ZNF189: variants seen among roughly 807,000 people sequenced by gnomAD.
ZNF189 encodes zinc finger protein 189.
Under a neutral mutation model 53.5 loss-of-function variants are expected in ZNF189, and 33 were observed. The observed-to-expected ratio is 0.62, with a 90% CI of 0.47 to 0.82. The LOEUF (loss-of-function observed/expected upper bound fraction) is 0.82, where lower values mean the gene tolerates loss of function less well. Among genes scored for constraint, ZNF189 ranks in the 40% least tolerant of loss-of-function variants. The pLI is 0.00. For synonymous variants in ZNF189, 247 were observed against 238.8 expected (o/e 1.03, Z -0.32); for missense variants, 711 against 753.9 (o/e 0.94, Z 0.67).
chr9:101,404,039 C>T (rs934413493), intron 2 of ZNF189, among the ~76,000 whole-genome samples: 1 of 152,166 alleles, frequency 6.6e-6, no homozygotes, highest in Non-Finnish European at 1.5e-5. Flanking sequence ...GGTTCTTTGG[C>T]GAAACCCACT....
At position 101,409,152 on chromosome 9, in the gene ZNF189, G is replaced by A; in HGVS notation, c.1384G>A (p.Gly462Arg). Reference sequence around the variant, plus strand: ...GAAATCTTATAAATGTGATGAATGTGGGAAAACTTTTAGTGTTAGTGCTCA... The same window carrying A: ...GAAATCTTATAAATGTGATGAATGTAGGAAAACTTTTAGTGTTAGTGCTCA... ...KEKSYKCDEC[G>R]KTFSVSAHLV... The change falls in exon 3 of 3, where the codon GGG (glycine) becomes AGG (arginine). Residue 462 changes from glycine to arginine, a missense_variant. Transcript: ENST00000339664. The A allele has an allele frequency of 6.2e-7, 1 of 1,614,064 alleles. No individual in the cohort carries two copies.
At chr9:101,407,447 G>T in intron 2 of ZNF189, 1 of 398,532 alleles carries the variant, frequency 2.5e-6, no homozygotes, top group East Asian at 3.6e-5. Flanking sequence ...GTGCAGCGAC[G>T]CAAACACAGC....
At chr9:101,399,474 A>G (rs1199909064) in intron 1 of ZNF189, 1 of 1,304,566 alleles carries the variant, frequency 7.7e-7, no homozygotes, top group Non-Finnish European at 9.7e-7. Flanking sequence ...CAGGTGAAGC[A>G]CCATTTTTGA....
At chr9:101,399,442 G>GCT in intron 1 of ZNF189, 3 of 1,339,490 alleles carry the variant, frequency 2.2e-6, no homozygotes, top group Non-Finnish European at 2.9e-6. Flanking sequence ...CTCCAGACTA[G>GCT]CTCTCTCATT....
At chr9:101,403,146 C>G (rs556458413) in intron 2 of ZNF189, among the ~76,000 whole-genome samples, 10 of 149,408 alleles carry the variant, frequency 6.7e-5, no homozygotes, top group East Asian at 5.9e-4. Context: ...CATGTTGTCT[C>G]TCAGTCACTG....
intron 2 of ZNF189, among the ~76,000 whole-genome samples, chr9:101,402,196 G>A (rs59717958): frequency 0.065 from 9,957 of 152,244 alleles, 553 homozygotes; most frequent in African/African-American, 0.15. Flanking sequence ...GATTACAGGC[G>A]TGAGCCACCG....
chr9:101,406,750 G>A (rs560663649), intron 2 of ZNF189, among the ~76,000 whole-genome samples: 240 of 152,244 alleles, frequency 1.6e-3, no homozygotes, highest in African/African-American at 5.4e-3. Flanking sequence ...ATCTTCTAGC[G>A]GAATTATCTA....
At position 101,399,139 on chromosome 9, in the gene ZNF189, C is replaced by A; in HGVS notation, c.-18C>A. The A allele has an allele frequency of 1.3e-6, 2 of 1,584,754 alleles. No individual in the cohort carries two copies. ...GTGAGGCCGCCCCCAATTCCTGCCC[C>A]TATTCTCTGCCTGGGAGATGGCTTC... On this transcript the variant is annotated 5_prime_UTR_variant, in exon 1 of 3. Coordinates refer to ENST00000339664, the MANE Select transcript of ZNF189 (RefSeq NM_003452.4).
In ZNF189 at chr9:101,403,067, A is replaced by G. The variant is rs141769626; in HGVS notation, c.160+3057A>G. Among the ~76,000 whole-genome samples, 181 of 149,734 alleles carry G rather than the reference A, an allele frequency of 1.2e-3. 1 individual carries two copies. Among genetic ancestry groups the G allele is most frequent in the African/African-American group, 4.2e-3 (172 of 40,482 alleles). On this transcript the variant is annotated intron_variant, in intron 2 of 2. Transcript: ENST00000339664. ...CCTCACCTGTTTTTTCCTGCACACCACTTTAGTCTTCAGCCATATCAGCTG... is the reference window on the plus strand; with the variant it reads ...CCTCACCTGTTTTTTCCTGCACACCGCTTTAGTCTTCAGCCATATCAGCTG...
intron 2 of ZNF189, among the ~76,000 whole-genome samples, chr9:101,403,966 T>C (rs957412065): frequency 3.3e-5 from 5 of 152,264 alleles, no homozygotes; most frequent in South Asian, 4.1e-4. Flanking sequence ...TTTTGGCTTC[T>C]GGTTTGATAG....
In ZNF189 at chr9:101,399,200, AC is replaced by A. The variant is rs763605858; in HGVS notation, c.33+18del. On this transcript the variant is annotated intron_variant, in intron 1 of 2. Transcript: ENST00000339664. The stretch of plus-strand genomic sequence containing the variant: ...CCGCCGGAGTCGAAGGTAAGTAAGC[AC>A]CCCCCCGGGGATCCCGGTTGTCTCG... 129 of 1,568,704 alleles carry A rather than the reference AC, an allele frequency of 8.2e-5. No individual in the cohort carries two copies. Among genetic ancestry groups the A allele is most frequent in the Non-Finnish European group, 9.6e-5 (110 of 1,148,888 alleles).
chr9:101,407,596 T>G (rs1260384980), intron 2 of ZNF189: 1 of 407,326 alleles, frequency 2.5e-6, no homozygotes, highest in African/African-American at 2.1e-5. Flanking sequence ...GAAGTCTCAC[T>G]GTTGCCCAGG....
Position 101,404,179 on chromosome 9 carries a change from T to G in ZNF189, c.161-3750T>G, listed in dbSNP as rs796551416. 6.6e-5 allele frequency among the ~76,000 whole-genome samples: 10 copies of G among 152,334 alleles called. No individual in the cohort carries two copies. The East Asian group carries it at 1.3e-3, about 21-fold the overall frequency. ...GCTCTGTGTGGAAGCCTTACTCTTG[T>G]TTTTTTCACCTGCCTATCCTGTTGA... On this transcript the variant is annotated intron_variant, in intron 2 of 2. Transcript: ENST00000339664.
intron 2 of ZNF189, among the ~76,000 whole-genome samples, chr9:101,403,715 G>T (rs1830615420): frequency 6.6e-6 from 1 of 152,144 alleles, no homozygotes; most frequent in Non-Finnish European, 1.5e-5. Context: ...CAAACGTTCT[G>T]GTCTTTGTTC....
rs2118259558 is a variant in ZNF189 at position 101,408,204 on chromosome 9, A to T, written c.436A>T (p.Lys146Ter). The T allele has an allele frequency of 6.2e-7, 1 of 1,614,190 alleles. No individual in the cohort carries two copies. Among genetic ancestry groups the T allele is most frequent in the Non-Finnish European group, 8.5e-7 (1 of 1,180,034 alleles). ...IIRKRPNSEE[K>*]CHKCEECGKG... ...CCGTAAAAGACCAAACTCAGAAGAG[A>T]AATGCCATAAATGTGAAGAATGTGG... is the stretch of plus-strand genomic sequence containing the variant. Residue 146 changes from lysine to a stop codon, truncating the protein, a stop_gained, in exon 3 of 3, where the codon AAA becomes TAA. Transcript: ENST00000339664. LOFTEE classifies it high-confidence loss of function.
chr9:101,399,148 G>C lies in ZNF189; in HGVS notation c.-9G>C. On this transcript the variant is annotated 5_prime_UTR_variant, in exon 1 of 3. Transcript: ENST00000339664. ...CCCCCAATTCCTGCCCCTATTCTCT[G>C]CCTGGGAGATGGCTTCCCCGAGCCC... The C allele has an allele frequency of 6.3e-7, 1 of 1,591,494 alleles. No individual in the cohort carries two copies. Among genetic ancestry groups the C allele is most frequent in the Non-Finnish European group, 8.6e-7 (1 of 1,160,512 alleles).
At chr9:101,400,874 C>A (rs1368020422) in intron 2 of ZNF189, among the ~76,000 whole-genome samples, 1 of 152,164 alleles carries the variant, frequency 6.6e-6, no homozygotes, top group African/African-American at 2.4e-5. Context: ...AGGCTTTCTC[C>A]CCTTGTGGAG....
In ZNF189 at chr9:101,399,178, C is replaced by A. The variant is rs1246416106; in HGVS notation, c.22C>A (p.Pro8Thr). ...GGAGATGGCTTCCCCGAGCCCCCCG[C>A]CGGAGTCGAAGGTAAGTAAGCACCC... MASPSPP[P>T]ESKGLLTFED... Residue 8 changes from proline to threonine, a missense_variant, in exon 1 of 3, where the codon CCG (proline) becomes ACG (threonine). Physicochemically the swap from Pro to Thr is conservative, Grantham distance 38. Transcript: ENST00000339664. 1 of 1,595,856 alleles carries A rather than the reference C, an allele frequency of 6.3e-7. No individual in the cohort carries two copies. The highest frequency in any genetic ancestry group is 8.6e-7 in the Non-Finnish European group (1 of 1,165,350).
chr9:101,409,367 TCA>T lies in ZNF189; in HGVS notation c.1604_1605del (p.Thr535ArgfsTer2). On this transcript the variant is annotated frameshift_variant, in exon 3 of 3. Transcript: ENST00000339664. LOFTEE classifies it high-confidence loss of function. ...GTAATCTTATTCGACATCAGGGTGT[TCA>T]CACAGGTAATAAACCCCATAAATGT... The part of the protein sequence containing the change: ...LCNLIRHQGV[H>X]TGNKPHKCDE... 1 of 1,614,106 alleles carries T rather than the reference TCA, an allele frequency of 6.2e-7. No individual in the cohort carries two copies. The highest frequency in any genetic ancestry group is 8.5e-7 in the Non-Finnish European group (1 of 1,180,026).
Sources: allele counts gnomAD v4.1 joint callset (sites outside exome capture counted in the v4.1 genomes callset), GRCh38; gene constraint gnomAD v4.1.1; transcripts MANE v1.5; gene names NCBI Gene and HGNC (gene_info 2026-07-23, HGNC 2026-07-21).